The following SPRED2 variants were observed in gnomAD, a reference collection of about 807,000 sequenced individuals.
SPRED2 encodes the protein sprouty related EVH1 domain containing 2.
In SPRED2, 47 loss-of-function variants were observed where a neutral mutation model predicts 43.0. The observed-to-expected ratio is 1.09, with a 90% CI of 0.87 to 1.40. The LOEUF (loss-of-function observed/expected upper bound fraction) is 1.40. SPRED2 is among the 40% of genes most tolerant of loss of function. SPRED2 has a pLI of 0.00. For synonymous variants in SPRED2, 225 were observed against 225.7 expected (o/e 1.00, Z 0.03); for missense variants, 561 against 586.4 (o/e 0.96, Z 0.45).
rs1283079218 is a variant in SPRED2 at position 65,338,802 on chromosome 2, T to C, written c.205-4029A>G. The stretch of plus-strand genomic sequence containing the variant: ...AGCCCCTCTGCCTGGCTGCCCAGTC[T>C]GGAAAGTGAGGAGCGTCTCTGCCCG... On this transcript the variant is annotated intron_variant, in intron 2 of 5. Transcript: ENST00000356388. Among the ~76,000 whole-genome samples, 8 of 149,384 alleles carry C rather than the reference T, an allele frequency of 5.4e-5. No individual in the cohort carries two copies. In the East Asian group the frequency reaches 1.6e-3, roughly 30 times the overall value.
intron 3 of SPRED2, chr2:65,332,353 G>A: frequency 3.9e-6 from 1 of 258,530 alleles, no homozygotes; most frequent in Non-Finnish European, 7.6e-6. Context: ...GGGAGAGGCT[G>A]CCCACTCCTC....
intron 1 of SPRED2, among the ~76,000 whole-genome samples, chr2:65,353,485 C>A (rs57783331): frequency 0.051 from 7,838 of 152,310 alleles, 299 homozygotes; most frequent in Middle Eastern, 0.15. Context: ...ATTTATCAAT[C>A]ATTCTTCAGA....
chr2:65,308,348 AC>A, downstream of SPRED2: 1 of 985,360 alleles, frequency 1.0e-6, no homozygotes, highest in Non-Finnish European at 1.2e-6. Flanking sequence ...GCTCCCAGAA[AC>A]CCAGCCAGCT....
At chr2:65,431,423 C>G (rs1362913817) in intron 1 of SPRED2, among the ~76,000 whole-genome samples, 1 of 151,978 alleles carries the variant, frequency 6.6e-6, no homozygotes, top group African/African-American at 2.4e-5. Flanking sequence ...CCCGCGCAGC[C>G]CGCGCCTGTC....
At chr2:65,386,581 C>T (rs1312699535) in intron 1 of SPRED2, among the ~76,000 whole-genome samples, 1 of 152,190 alleles carries the variant, frequency 6.6e-6, no homozygotes, top group Non-Finnish European at 1.5e-5. Context: ...AACAGTGCTG[C>T]AAACTTAGTA....
Position 65,312,390 on chromosome 2 carries a change from C to T in SPRED2, c.*1111G>A. 1 of 985,352 alleles carries T rather than the reference C, an allele frequency of 1.0e-6. No homozygotes were observed. Among genetic ancestry groups the T allele is most frequent in the Non-Finnish European group, 1.2e-6 (1 of 829,920 alleles). 61.0% of individuals were successfully genotyped at this position (985,352 alleles called of 1,614,324 possible). On this transcript the variant is annotated 3_prime_UTR_variant, in exon 6 of 6. Coordinates refer to ENST00000356388, the MANE Select transcript of SPRED2 (RefSeq NM_181784.3). ...AACCCATGAAGAAAATGCAACCCACCACTCTTCAAATTTATGACATTTAAA... is the reference window on the plus strand; with the variant it reads ...AACCCATGAAGAAAATGCAACCCACTACTCTTCAAATTTATGACATTTAAA...
chr2:65,383,061 C>T (rs527902064), intron 1 of SPRED2, among the ~76,000 whole-genome samples: 1 of 152,334 alleles, frequency 6.6e-6, no homozygotes, highest in Non-Finnish European at 1.5e-5. Flanking sequence ...CGGTCACCAC[C>T]GCCTCTCTGC....
chr2:65,309,837 T>C (rs1673024117), downstream of SPRED2, among the ~76,000 whole-genome samples: 1 of 151,876 alleles, frequency 6.6e-6, no homozygotes, highest in Non-Finnish European at 1.5e-5. Flanking sequence ...AGGATAAGGC[T>C]CTTGACTGTC....
In SPRED2 at chr2:65,425,462, C is replaced by A. The variant is rs567870766; in HGVS notation, c.26+6500G>T. ...AGAACATAAGCACAATTTGATAATA[C>A]GTGTGCAATATGCCACATGTGAACA... On this transcript the variant is annotated intron_variant, in intron 1 of 5. Coordinates refer to ENST00000356388, the MANE Select transcript of SPRED2 (RefSeq NM_181784.3). Among the ~76,000 whole-genome samples the A allele has an allele frequency of 5.3e-5, 8 of 152,260 alleles. 1 individual carries two copies. Among genetic ancestry groups the A allele is most frequent in the African/African-American group, 1.9e-4 (8 of 41,552 alleles).
intron 1 of SPRED2, among the ~76,000 whole-genome samples, chr2:65,380,259 G>A (rs758192759): frequency 3.3e-5 from 5 of 152,166 alleles, no homozygotes; most frequent in Non-Finnish European, 7.3e-5. Flanking sequence ...CGACTCAGGT[G>A]CCAGTATCAC....
At chr2:65,318,630 A>G (rs185280376) in intron 4 of SPRED2, among the ~76,000 whole-genome samples, 92 of 151,324 alleles carry the variant, frequency 6.1e-4, no homozygotes, top group African/African-American at 2.2e-3. Context: ...TCTTACTTGT[A>G]TATTCCCCTC....
intron 5 of SPRED2, among the ~76,000 whole-genome samples, chr2:65,314,888 G>A (rs1673191737): frequency 6.6e-6 from 1 of 152,200 alleles, no homozygotes; most frequent in Non-Finnish European, 1.5e-5. Context: ...GACAGGAGAA[G>A]GATAGAGTGA....
chr2:65,314,698 C>T (rs1473875371), intron 5 of SPRED2, among the ~76,000 whole-genome samples: 1 of 152,238 alleles, frequency 6.6e-6, no homozygotes, highest in Non-Finnish European at 1.5e-5. Context: ...AGAATAAGGA[C>T]ACTGGAGTGC....
intron 1 of SPRED2, among the ~76,000 whole-genome samples, chr2:65,368,335 T>C (rs1675037498): frequency 6.6e-6 from 1 of 152,246 alleles, no homozygotes; most frequent in Non-Finnish European, 1.5e-5. Context: ...GAAGACTTCC[T>C]TGGCTTTGAC....
intron 4 of SPRED2, among the ~76,000 whole-genome samples, chr2:65,325,853 G>A (rs1231791728): frequency 6.6e-6 from 1 of 152,100 alleles, no homozygotes; most frequent in Non-Finnish European, 1.5e-5. Flanking sequence ...TGTGGTGGCA[G>A]GTGCCTGTAA....
At chr2:65,379,951 G>A (rs1341587744) in intron 1 of SPRED2, among the ~76,000 whole-genome samples, 3 of 152,142 alleles carry the variant, frequency 2.0e-5, no homozygotes, top group Non-Finnish European at 2.9e-5. Context: ...ACCCACCCCA[G>A]CTGGGTGTTG....
At chr2:65,386,435 G>A (rs187874397) in intron 1 of SPRED2, among the ~76,000 whole-genome samples, 34 of 152,176 alleles carry the variant, frequency 2.2e-4, no homozygotes, top group Admixed American at 1.4e-3. Context: ...ACTAGGTAAG[G>A]GCCAGGTCAC....
At position 65,374,035 on chromosome 2, in the gene SPRED2, C is replaced by G. The variant is rs571635027; in HGVS notation, c.27-29139G>C. 3 of 152,314 alleles carry G rather than the reference C, an allele frequency of 2.0e-5. No individual in the cohort carries two copies. In the South Asian group the frequency reaches 6.2e-4, roughly 32 times the overall value. The allele number at this position is 152,314 out of a possible 1,614,324, so 9.4% of individuals were successfully genotyped here. On this transcript the variant is annotated intron_variant, in intron 1 of 5. Transcript: ENST00000356388. ...TTACAGGCATCCACAGTATGTGAGGCACGTTTGCTAACTTAACGTACTTTT... is the reference window on the plus strand; with the variant it reads ...TTACAGGCATCCACAGTATGTGAGGGACGTTTGCTAACTTAACGTACTTTT...
chr2:65,369,708 C>G (rs111341502), intron 1 of SPRED2, among the ~76,000 whole-genome samples: 146,787 of 151,598 alleles, frequency 0.97, 71,098 homozygotes, highest in East Asian at 1. Context: ...GCAGAAGCTG[C>G]TCTGTGCCAC....
Sources: allele counts gnomAD v4.1 joint callset (sites outside exome capture counted in the v4.1 genomes callset), GRCh38; gene constraint gnomAD v4.1.1; transcripts MANE v1.5; gene names NCBI Gene and HGNC (gene_info 2026-07-23, HGNC 2026-07-21).